Variants in LUZP2 observed in about 807,000 individuals in gnomAD.
The protein encoded by LUZP2 is leucine zipper protein 2.
LUZP2 carries 52 observed loss-of-function variants against 51.6 expected under a neutral mutation model. The ratio of observed to expected loss-of-function variants is 1.01; its 90% CI spans 0.81 to 1.27. The LOEUF is 1.27. LUZP2 is among the 50% of genes most tolerant of loss of function. The pLI, the probability that LUZP2 is intolerant of heterozygous loss-of-function variation, is 0.00. For synonymous variants in LUZP2, 154 were observed against 137.3 expected (o/e 1.12, Z -0.85); for missense variants, 436 against 395.4 (o/e 1.10, Z -0.87).
At chr11:24,923,811 G>A (rs1854146223) in intron 7 of LUZP2, among the ~76,000 whole-genome samples, 2 of 152,078 alleles carry the variant, frequency 1.3e-5, no homozygotes, top group Admixed American at 6.6e-5. Context: ...TAAATGAATA[G>A]CTTATTTTCA....
chr11:24,905,441 T>C (rs375746294), intron 5 of LUZP2, among the ~76,000 whole-genome samples: 2 of 152,000 alleles, frequency 1.3e-5, no homozygotes, highest in African/African-American at 2.4e-5. Flanking sequence ...GGCAGGAGAA[T>C]AGCTTCAACC....
intron 1 of LUZP2, among the ~76,000 whole-genome samples, chr11:24,634,134 T>C (rs1854993002): frequency 6.6e-6 from 1 of 152,082 alleles, no homozygotes; most frequent in Non-Finnish European, 1.5e-5. Context: ...ACTTCAGTCA[T>C]CTTATATGTA....
chr11:24,557,275 G>C (rs1851899154), intron 1 of LUZP2, among the ~76,000 whole-genome samples: 1 of 152,144 alleles, frequency 6.6e-6, no homozygotes, highest in South Asian at 2.1e-4. Context: ...TTGAATCAAT[G>C]AGTAGAAGAG....
intron 10 of LUZP2, among the ~76,000 whole-genome samples, chr11:25,055,011 C>CTTTTTT (rs71044332): frequency 2.5e-5 from 2 of 79,026 alleles, no homozygotes; most frequent in African/African-American, 4.4e-5. Context: ...TTTTTCTTTT[C>CTTTTTT]TTTTTTTTTT....
intron 4 of LUZP2, among the ~76,000 whole-genome samples, chr11:24,748,347 C>T (rs2087102): frequency 4.6e-5 from 7 of 152,088 alleles, no homozygotes; most frequent in South Asian, 4.1e-4. Context: ...GTTCAGGAGC[C>T]GAGGGTCTCC....
intron 1 of LUZP2, among the ~76,000 whole-genome samples, chr11:24,669,208 T>C (rs1314034426): frequency 1.3e-5 from 2 of 152,172 alleles, no homozygotes; most frequent in East Asian, 3.8e-4. Flanking sequence ...AAAAGCAATG[T>C]GTGTGCTCCC....
intron 1 of LUZP2, among the ~76,000 whole-genome samples, chr11:24,594,362 T>C (rs931223363): frequency 6.6e-6 from 1 of 152,198 alleles, no homozygotes; most frequent in Non-Finnish European, 1.5e-5. Context: ...CAGTGTACTA[T>C]CTATGCATCT....
chr11:24,725,265 T>G (rs1253603626), intron 1 of LUZP2, among the ~76,000 whole-genome samples: 2 of 152,134 alleles, frequency 1.3e-5, no homozygotes, highest in Non-Finnish European at 2.9e-5. Context: ...TGAATCCGAA[T>G]ACAGAATTTA....
chr11:25,049,716 T>C (rs1436110428), intron 9 of LUZP2, among the ~76,000 whole-genome samples: 1 of 152,072 alleles, frequency 6.6e-6, no homozygotes, highest in Admixed American at 6.5e-5. Flanking sequence ...GGATATATAC[T>C]TTGTGGGGGA....
In LUZP2 at chr11:24,625,514, T is replaced by C. The variant is rs367988859; in HGVS notation, c.63-103655T>C. Among the ~76,000 whole-genome samples, 38 of 152,258 alleles carry C rather than the reference T, an allele frequency of 2.5e-4. No individual in the cohort carries two copies. The East Asian group carries it at 6.6e-3, about 26-fold the overall frequency. On this transcript the variant is annotated intron_variant, in intron 1 of 11. Transcript: ENST00000336930. ...CATATAAAAATCAATTTGTACACCT[T>C]AAATATAATTCTACTTATTTTCAAT...
chr11:24,905,804 A>C (rs11028265), intron 5 of LUZP2, among the ~76,000 whole-genome samples, 187 bp from the exon 6 acceptor site: 13,243 of 152,204 alleles, frequency 0.087, 1,867 homozygotes, highest in African/African-American at 0.3. Context: ...TAATATGCCA[A>C]ATTTTAATTG....
At chr11:24,576,497 A>C (rs1852656127) in intron 1 of LUZP2, among the ~76,000 whole-genome samples, 1 of 151,836 alleles carries the variant, frequency 6.6e-6, no homozygotes, top group Non-Finnish European at 1.5e-5. Flanking sequence ...ATAATCTAAA[A>C]GGTTTACTTG....
At chr11:24,900,864 T>C (rs1853258264) in intron 5 of LUZP2, among the ~76,000 whole-genome samples, 1 of 152,204 alleles carries the variant, frequency 6.6e-6, no homozygotes, top group South Asian at 2.1e-4. Flanking sequence ...TTGCAAATCA[T>C]TCTTTGCTCA....
rs193272867 is a variant in LUZP2 at position 24,663,195 on chromosome 11, C to T, written c.63-65974C>T. 6.2e-4 allele frequency among the ~76,000 whole-genome samples: 95 copies of T among 152,146 alleles called. 1 individual carries two copies. In the South Asian group the frequency reaches 0.015, roughly 24 times the overall value. The stretch of plus-strand genomic sequence containing the variant: ...AATGTCATGTTAAATTGGAGGAGGG[C>T]TCTGGTGGGAGGGGATTAGATCATG... On this transcript the variant is annotated intron_variant, in intron 1 of 11. Coordinates refer to ENST00000336930, the MANE Select transcript of LUZP2 (RefSeq NM_001009909.4).
chr11:25,057,387 A>G (rs1858720403), intron 10 of LUZP2, among the ~76,000 whole-genome samples: 1 of 152,134 alleles, frequency 6.6e-6, no homozygotes, highest in Non-Finnish European at 1.5e-5. Context: ...AGAAGACTTA[A>G]GAAACTTGAA....
chr11:24,574,961 A>G (rs961114650), intron 1 of LUZP2, among the ~76,000 whole-genome samples: 1 of 152,124 alleles, frequency 6.6e-6, no homozygotes, highest in South Asian at 2.1e-4. Flanking sequence ...AACTGATGTA[A>G]TGTTTAGTCA....
chr11:24,500,663 T>A (rs781137601), intron 1 of LUZP2, among the ~76,000 whole-genome samples: 6 of 152,102 alleles, frequency 3.9e-5, no homozygotes, highest in Non-Finnish European at 5.9e-5. Flanking sequence ...CTTGATGCCT[T>A]TGGATTGTTA....
intron 5 of LUZP2, among the ~76,000 whole-genome samples, chr11:24,807,397 G>T (rs1011751989): frequency 1.3e-5 from 2 of 150,596 alleles, no homozygotes; most frequent in African/African-American, 4.9e-5. Context: ...GGAGGCGGAG[G>T]TTGCAATGAA....
At chr11:24,861,920 AT>A (rs1851754978) in intron 5 of LUZP2, among the ~76,000 whole-genome samples, 2 of 152,146 alleles carry the variant, frequency 1.3e-5, no homozygotes, top group Non-Finnish European at 2.9e-5. Flanking sequence ...CCTGTTTATG[AT>A]AAATTCCCCT....
Sources: gnomAD v4.1 joint callset for allele counts (sites outside exome capture counted in the v4.1 genomes callset) on GRCh38, gnomAD v4.1.1 for gene constraint, MANE v1.5 for transcripts, NCBI Gene and HGNC (gene_info 2026-07-23, HGNC 2026-07-21) for gene names.